Variants in HRH1 observed in about 807,000 individuals in gnomAD.
The protein encoded by HRH1 is histamine receptor H1.
HRH1 carries 6 observed loss-of-function variants against 10.3 expected under a neutral mutation model. That is an observed-to-expected ratio of 0.58 (90% confidence interval 0.32 to 1.15). The LOEUF is 1.15. Among genes scored for constraint, HRH1 ranks in the 50% most tolerant of loss-of-function variants. The probability of loss-of-function intolerance (pLI) is 0.05; values close to 1 mark genes in which losing one functional copy is unlikely to be tolerated. For synonymous variants in HRH1, 242 were observed against 236.7 expected, an observed-to-expected ratio of 1.02 and a Z score of -0.21; for missense variants, 514 against 615.3, an observed-to-expected ratio of 0.84 and a Z score of 1.74.
chr3:11,137,975 A>G (rs546969642), intron 1 of HRH1, among the ~76,000 whole-genome samples: 36 of 152,228 alleles, frequency 2.4e-4, no homozygotes, highest in Non-Finnish European at 4.3e-4. Context: ...TTTGCAACTC[A>G]TATAGTACAC....
intron 1 of HRH1, among the ~76,000 whole-genome samples, chr3:11,254,628 GGCCACC>G (rs1333467085): frequency 2.6e-5 from 4 of 152,142 alleles, no homozygotes; most frequent in Non-Finnish European, 4.4e-5. Flanking sequence ...TTACCCTTGA[GGCCACC>G]GCAACAAAGC....
intron 1 of HRH1, among the ~76,000 whole-genome samples, chr3:11,174,399 T>G (rs1199855842): frequency 6.6e-6 from 1 of 152,192 alleles, no homozygotes; most frequent in Non-Finnish European, 1.5e-5. Flanking sequence ...TCCCAGAGCC[T>G]TGAGGGAAGA....
At chr3:11,179,121 C>T (rs1257747060) in intron 1 of HRH1, among the ~76,000 whole-genome samples, 1 of 152,076 alleles carries the variant, frequency 6.6e-6, no homozygotes, top group Non-Finnish European at 1.5e-5. Flanking sequence ...AACCCCGTCT[C>T]TACTAAAAAT....
At chr3:11,164,480 G>T (rs1004284290) in intron 1 of HRH1, among the ~76,000 whole-genome samples, 3 of 152,104 alleles carry the variant, frequency 2.0e-5, no homozygotes, top group Non-Finnish European at 4.4e-5. Flanking sequence ...TCTACCGCCA[G>T]CCTGGAAACT....
chr3:11,148,762 AT>A (rs1357901237), intron 1 of HRH1, among the ~76,000 whole-genome samples: 1 of 144,638 alleles, frequency 6.9e-6, no homozygotes, highest in African/African-American at 2.6e-5. Flanking sequence ...GAAATATAAT[AT>A]TTTAGTTGGA....
chr3:11,178,128 C>T (rs1486802568), intron 1 of HRH1, among the ~76,000 whole-genome samples: 4 of 152,194 alleles, frequency 2.6e-5, no homozygotes, highest in Admixed American at 2.0e-4. Flanking sequence ...TGTCATCGTC[C>T]TTCAGCTCCC....
intron 1 of HRH1, among the ~76,000 whole-genome samples, chr3:11,179,149 G>A (rs565981165): frequency 1.1e-3 from 164 of 152,202 alleles, no homozygotes; most frequent in Middle Eastern, 3.4e-3. Context: ...TTAGCTGGGC[G>A]TGGTGGCGCA....
chr3:11,158,345 A>T (rs1484517319), intron 1 of HRH1, among the ~76,000 whole-genome samples: 1 of 152,236 alleles, frequency 6.6e-6, no homozygotes, highest in Non-Finnish European at 1.5e-5. Context: ...TTTCTTATCC[A>T]TTGACTTCTA....
intron 1 of HRH1, among the ~76,000 whole-genome samples, chr3:11,231,652 C>T (rs1445343400): frequency 6.6e-6 from 1 of 152,076 alleles, no homozygotes; most frequent in African/African-American, 2.4e-5. Flanking sequence ...TGAAATGTTT[C>T]CTCATATCAT....
chr3:11,235,203 A>G (rs1391165217), intron 1 of HRH1, among the ~76,000 whole-genome samples: 6 of 150,856 alleles, frequency 4.0e-5, no homozygotes, highest in Non-Finnish European at 8.8e-5. Context: ...TGACAGAGTG[A>G]GACTCCATCT....
At chr3:11,161,837 A>G (rs1936929952) in intron 1 of HRH1, among the ~76,000 whole-genome samples, 1 of 152,206 alleles carries the variant, frequency 6.6e-6, no homozygotes, top group African/African-American at 2.4e-5. Context: ...CAGGAACTCA[A>G]GATGGAGTTT....
chr3:11,219,714 C>CAA (rs58875644), intron 1 of HRH1, among the ~76,000 whole-genome samples: 16,752 of 76,534 alleles, frequency 0.22, 1,720 homozygotes, highest in Non-Finnish European at 0.26. Flanking sequence ...GACTTCATCT[C>CAA]AAAAAAAAAA....
intron 1 of HRH1, among the ~76,000 whole-genome samples, chr3:11,232,625 C>G: frequency 6.6e-6 from 1 of 152,184 alleles, no homozygotes; most frequent in African/African-American, 2.4e-5. Flanking sequence ...GTTTCTCCAC[C>G]TTTCCCTATA....
chr3:11,193,576 G>A (rs1376682930), intron 1 of HRH1, among the ~76,000 whole-genome samples: 1 of 151,552 alleles, frequency 6.6e-6, no homozygotes, highest in Admixed American at 6.6e-5. Flanking sequence ...TTCACATGGT[G>A]GGAAGGGTGT....
intron 1 of HRH1, among the ~76,000 whole-genome samples, chr3:11,178,985 CT>C (rs947336970): frequency 1.3e-5 from 2 of 152,136 alleles, no homozygotes; most frequent in Admixed American, 1.3e-4. Flanking sequence ...AATGATCCCT[CT>C]TTTCAGAAGA....
At chr3:11,151,406 G>A (rs146206677), upstream of HRH1, among the ~76,000 whole-genome samples, 192 of 152,234 alleles carry the variant, frequency 1.3e-3, no homozygotes, top group Non-Finnish European at 2.0e-3. Context: ...CTTCCTAAAC[G>A]TTTTCATTCA....
rs199900564 is a variant in HRH1 at position 11,260,225 on chromosome 3, G to A, written c.1188G>A (p.Ser396=). The A allele has an allele frequency of 1.2e-4, 200 of 1,614,008 alleles. No individual in the cohort carries two copies. Among genetic ancestry groups the A allele is most frequent in the Admixed American group, 2.0e-4 (12 of 60,002 alleles). Residue 396 remains serine (S), a synonymous_variant, in exon 2 of 2, where the codon TCG becomes TCA. Coordinates refer to ENST00000431010, the MANE Select transcript of HRH1 (RefSeq NM_001098212.2). ...AGTTTACTTGGAAGAGGCTCCGCTC[G>A]CATTCAAGACAGTATGTATCTGGGT... is the stretch of plus-strand genomic sequence containing the variant. ...YIKFTWKRLR[S]HSRQYVSGLH...
intron 1 of HRH1, among the ~76,000 whole-genome samples, chr3:11,147,645 C>T (rs966996055): frequency 5.9e-5 from 9 of 152,272 alleles, no homozygotes; most frequent in Middle Eastern, 3.4e-3. Context: ...TCTTAATAAC[C>T]GTTCCCTCAA....
chr3:11,148,418 A>G (rs1329586903), intron 1 of HRH1, among the ~76,000 whole-genome samples: 1 of 152,176 alleles, frequency 6.6e-6, no homozygotes, highest in Non-Finnish European at 1.5e-5. Context: ...AACATATGCA[A>G]GATAGAAGTG....
Sources: gnomAD v4.1 joint callset for allele counts (sites outside exome capture counted in the v4.1 genomes callset) on GRCh38, gnomAD v4.1.1 for gene constraint, MANE v1.5 for transcripts, NCBI Gene and HGNC (gene_info 2026-07-23, HGNC 2026-07-21) for gene names.